Variants in CLSTN1 observed in about 807,000 individuals in gnomAD.
The protein encoded by CLSTN1 is calsyntenin 1, also known as calsyntenin-1.
Under a neutral mutation model 108.3 loss-of-function variants are expected in CLSTN1, and 28 were observed. That is an observed-to-expected ratio of 0.26 (90% CI 0.19 to 0.35). CLSTN1 has a LOEUF of 0.35. CLSTN1 is among the 10% of genes least tolerant of loss of function. The probability of loss-of-function intolerance (pLI) is 1.00; values close to 1 mark genes in which losing one functional copy is unlikely to be tolerated. For missense variants in CLSTN1, 1,157 were observed against 1,302.6 expected (o/e 0.89, Z 1.72); for synonymous variants, 524 against 534.9 (o/e 0.98, Z 0.28).
At position 9,823,140 on chromosome 1, in the gene CLSTN1, G is replaced by A. The variant is rs774967790; in HGVS notation, c.91+503C>T. Among the ~76,000 whole-genome samples the A allele has an allele frequency of 6.6e-5, 10 of 152,228 alleles. No individual in the cohort carries two copies. The highest frequency in any genetic ancestry group is 1.5e-4 in the Non-Finnish European group (10 of 68,042). On this transcript the variant is annotated intron_variant, in intron 1 of 18. Coordinates refer to ENST00000377298, the MANE Select transcript of CLSTN1 (RefSeq NM_001009566.3). The surrounding 1 kb of genome is among the most constrained non-coding windows in gnomAD (Gnocchi z 6.3). ...ATCGGGATCTTGGAAACGGGATGCG[G>A]AGGAGTGGGCTCTTATGTAAGCACA...
rs565918720 is a variant in CLSTN1, at chr1:9,775,377, T to C, written c.92-1983A>G. Among the ~76,000 whole-genome samples the C allele has an allele frequency of 2.0e-5, 3 of 151,990 alleles. No individual in the cohort carries two copies. The East Asian group carries it at 5.8e-4, about 29-fold the overall frequency. ...GGCCCGGATCACTGGAGAAGTGCTA[T>C]CTTGTCCCTTCTTGATTGGGACTCT... On this transcript the variant is annotated intron_variant, in intron 1 of 18. Transcript: ENST00000377298.
At chr1:9,768,794 CTG>C (rs1347109256) in intron 2 of CLSTN1, among the ~76,000 whole-genome samples, 1 of 75,208 alleles carries the variant, frequency 1.3e-5, no homozygotes, top group Non-Finnish European at 2.5e-5. Context: ...GGGCGGGGTT[CTG>C]TGTTAGGTGG....
chr1:9,762,429 C>T (rs1402101556), intron 2 of CLSTN1, among the ~76,000 whole-genome samples: 1 of 151,696 alleles, frequency 6.6e-6, no homozygotes, highest in East Asian at 1.9e-4. Context: ...CCACTGCACT[C>T]CAGCCTAGGC....
intron 1 of CLSTN1, among the ~76,000 whole-genome samples, chr1:9,798,740 T>C (rs968026336): frequency 2.0e-5 from 3 of 152,178 alleles, no homozygotes; most frequent in African/African-American, 7.2e-5. Context: ...TGCTGGGGCT[T>C]CCAGTTTCCA....
intron 11 of CLSTN1, 29 bp from the exon 12 acceptor site, chr1:9,736,071 C>A: frequency 6.2e-7 from 1 of 1,613,814 alleles, no homozygotes; most frequent in Admixed American, 1.7e-5. Flanking sequence ...AAGGCGAAGT[C>A]AGGCGTGCAA....
intron 9 of CLSTN1, 101 bp from the exon 10 acceptor site, chr1:9,741,357 G>A: frequency 8.6e-7 from 1 of 1,167,822 alleles, no homozygotes. Flanking sequence ...CTTCCTAGGA[G>A]GAAAAGGATG....
At chr1:9,742,493 AG>A (rs1344953706) in intron 9 of CLSTN1, among the ~76,000 whole-genome samples, 1 of 152,232 alleles carries the variant, frequency 6.6e-6, no homozygotes, top group Non-Finnish European at 1.5e-5. Context: ...TCCATAATAC[AG>A]TTTTTAAACA....
At chr1:9,818,317 T>G (rs538843240) in intron 1 of CLSTN1, among the ~76,000 whole-genome samples, 24 of 147,730 alleles carry the variant, frequency 1.6e-4, no homozygotes, top group African/African-American at 3.9e-4. Flanking sequence ...GCCGTTTGGG[T>G]TTTTTTTTGT....
At position 9,734,234 on chromosome 1, in the gene CLSTN1, C is replaced by G; in HGVS notation, c.2111-92G>C. ...GGATGCCCTGCCGGCTCACCCCAAA[C>G]CTACATGGCTCTCGTAAGGACCAAC... On this transcript the variant is annotated intron_variant, in intron 14 of 18. Transcript: ENST00000377298. The surrounding 1 kb of genome is among the most constrained non-coding windows in gnomAD (Gnocchi z 4.8). 7.7e-7 allele frequency: 1 copy of G among 1,299,050 alleles called. No homozygotes were observed. The highest frequency in any genetic ancestry group is 1.3e-5 in the South Asian group (1 of 76,846). 80.5% of individuals were successfully genotyped at this position (1,299,050 alleles called of 1,614,324 possible).
At chr1:9,786,181 C>T (rs1653477681) in intron 1 of CLSTN1, among the ~76,000 whole-genome samples, 1 of 151,604 alleles carries the variant, frequency 6.6e-6, no homozygotes, top group African/African-American at 2.4e-5. Flanking sequence ...AGAGCGAGAC[C>T]TGCCTCAAAC....
intron 1 of CLSTN1, among the ~76,000 whole-genome samples, chr1:9,781,676 C>T (rs1284797685): frequency 6.6e-6 from 1 of 152,142 alleles, no homozygotes; most frequent in Non-Finnish European, 1.5e-5. Flanking sequence ...CTCCCGGCCT[C>T]AGGTGATCCG....
At chr1:9,791,200 T>C (rs941169661) in intron 1 of CLSTN1, among the ~76,000 whole-genome samples, 17 of 147,554 alleles carry the variant, frequency 1.2e-4, no homozygotes, top group Non-Finnish European at 2.2e-4. Context: ...GGCTTAAATA[T>C]AGCAACCCTA....
intron 1 of CLSTN1, among the ~76,000 whole-genome samples, chr1:9,780,243 AGGTTTT>A (rs1363940923): frequency 1.3e-5 from 2 of 152,190 alleles, no homozygotes; most frequent in Non-Finnish European, 2.9e-5. Flanking sequence ...TCATACTTTA[AGGTTTT>A]ATTAATAAAA....
chr1:9,807,341 C>T (rs187420881), intron 1 of CLSTN1, among the ~76,000 whole-genome samples: 76 of 152,186 alleles, frequency 5.0e-4, no homozygotes, highest in East Asian at 4.1e-3. Flanking sequence ...AGTCACTACA[C>T]GGACTACGTC....
intron 1 of CLSTN1, among the ~76,000 whole-genome samples, chr1:9,804,343 CAG>C (rs1003516891): frequency 1.7e-5 from 2 of 118,488 alleles, no homozygotes; most frequent in African/African-American, 6.8e-5. Context: ...AGCCTGGCGA[CAG>C]AGAGAGACTC....
intron 1 of CLSTN1, among the ~76,000 whole-genome samples, chr1:9,790,272 G>A (rs982237814): frequency 5.9e-5 from 9 of 151,340 alleles, no homozygotes; most frequent in Non-Finnish European, 1.3e-4. Context: ...TTATTAAGTA[G>A]GTTTTCGTAG....
At chr1:9,803,832 T>A (rs75796482) in intron 1 of CLSTN1, among the ~76,000 whole-genome samples, 2,250 of 152,188 alleles carry the variant, frequency 0.015, 47 homozygotes, top group African/African-American at 0.049. Context: ...AAATTTTTTT[T>A]AAAAAGTGTT....
Position 9,734,063 on chromosome 1 carries a change from G to A in CLSTN1, c.2190C>T (p.Asn730=). Residue 730 remains asparagine (N), a synonymous_variant, in exon 15 of 19, where the codon AAC becomes AAT. Coordinates refer to ENST00000377298, the MANE Select transcript of CLSTN1 (RefSeq NM_001009566.3). The surrounding 1 kb of genome is among the most constrained non-coding windows in gnomAD (Gnocchi z 4.8). ...CEVTVEGEEL[N]HEQESLEVDM... is the part of the protein sequence containing the mutation. ...CCACCTCCAGGCTCTCCTGCTCGTG[G>A]TTCAGCTCCTCTCCCTCCACCGTGA... 6.2e-7 allele frequency: 1 copy of A among 1,614,158 alleles called. No individual in the cohort carries two copies. Among genetic ancestry groups the A allele is most frequent in the Non-Finnish European group, 8.5e-7 (1 of 1,180,034 alleles).
rs773260041 is a variant in CLSTN1 at position 9,731,291 on chromosome 1, C to T, written c.2663G>A (p.Arg888Gln). 2.2e-5 allele frequency: 35 copies of T among 1,614,106 alleles called. No homozygotes were observed. The highest frequency in any genetic ancestry group is 1.6e-4 in the Middle Eastern group (1 of 6,084). The change falls in exon 18 of 19, where the codon CGG becomes CAG. Residue 888 changes from arginine to glutamine, a missense_variant. Arg to Gln is a conservative substitution (Grantham distance 43). Coordinates refer to ENST00000377298, the MANE Select transcript of CLSTN1 (RefSeq NM_001009566.3). ...CCCGGTGTCCTGATCCCGCATGGTCCGCCGATGTGCGGCCCGGATCCGAAA... is the reference window on the plus strand; with the variant it reads ...CCCGGTGTCCTGATCCCGCATGGTCTGCCGATGTGCGGCCCGGATCCGAAA... ...GVFRIRAAHR[R>Q]TMRDQDTGKE...
Sources: gnomAD v4.1 joint callset for allele counts (sites outside exome capture counted in the v4.1 genomes callset) on GRCh38, gnomAD v4.1.1 for gene constraint, Gnocchi (gnomAD v3.1) non-coding constraint, MANE v1.5 for transcripts, NCBI Gene and HGNC (gene_info 2026-07-23, HGNC 2026-07-21) for gene names.